The following ARB2A variants were observed in gnomAD, a reference collection of about 807,000 sequenced individuals.
The protein encoded by ARB2A is cotranscriptional regulator ARB2A.
the ARB2A span, among the ~76,000 whole-genome samples, chr5:94,032,787 T>C: frequency 4.6e-5 from 7 of 152,200 alleles, no homozygotes; most frequent in African/African-American, 1.7e-4. Context: ...ATTTAATACC[T>C]GTCCTGTAGG....
the ARB2A span, among the ~76,000 whole-genome samples, chr5:93,828,632 A>C: frequency 2.0e-5 from 3 of 152,192 alleles, no homozygotes. Context: ...AGTGACCTGT[A>C]GGATTGACCA....
chr5:93,750,159 A>G, the ARB2A span, among the ~76,000 whole-genome samples: 5 of 152,194 alleles, frequency 3.3e-5, no homozygotes, highest in Admixed American at 3.3e-4. Flanking sequence ...TCTTGCCTCA[A>G]GAGAATCAAG....
At chr5:94,084,586 T>C in the ARB2A span, among the ~76,000 whole-genome samples, 1 of 152,168 alleles carries the variant, frequency 6.6e-6, no homozygotes, top group Non-Finnish European at 1.5e-5. Context: ...CAAGAACTGA[T>C]AAGACACTCC....
the ARB2A span, among the ~76,000 whole-genome samples, chr5:94,097,883 C>T: frequency 2.0e-5 from 3 of 149,710 alleles, no homozygotes; most frequent in South Asian, 2.1e-4. Flanking sequence ...CACACACACA[C>T]GAACACAGAT....
the ARB2A span, among the ~76,000 whole-genome samples, chr5:93,847,169 T>G: frequency 2.0e-5 from 3 of 152,198 alleles, no homozygotes; most frequent in South Asian, 2.1e-4. Flanking sequence ...AGTTTGATCA[T>G]GAGATTGCAG....
the ARB2A span, among the ~76,000 whole-genome samples, chr5:93,744,285 A>G: frequency 6.6e-6 from 1 of 151,512 alleles, no homozygotes; most frequent in African/African-American, 2.4e-5. Context: ...AAATACAAAA[A>G]TCAGCCAGGC....
chr5:94,069,671 T>G, the ARB2A span, among the ~76,000 whole-genome samples: 3 of 152,070 alleles, frequency 2.0e-5, no homozygotes, highest in Non-Finnish European at 4.4e-5. Context: ...AAATGGCCAA[T>G]AGGTATGTTA....
chr5:94,084,352 G>A, the ARB2A span, among the ~76,000 whole-genome samples: 6 of 150,326 alleles, frequency 4.0e-5, 1 homozygote, highest in African/African-American at 1.5e-4. Flanking sequence ...AACAAAAGAT[G>A]TTATACCTAT....
chr5:93,999,832 C>G, the ARB2A span, among the ~76,000 whole-genome samples: 3 of 151,994 alleles, frequency 2.0e-5, no homozygotes, highest in East Asian at 5.8e-4. Context: ...CTATTCATCC[C>G]TCTTTGCCTC....
At chr5:93,772,516 A>G in the ARB2A span, among the ~76,000 whole-genome samples, 1 of 152,228 alleles carries the variant, frequency 6.6e-6, no homozygotes, top group African/African-American at 2.4e-5. Flanking sequence ...TTAATTATCT[A>G]CTGCTGTGGA....
the ARB2A span, among the ~76,000 whole-genome samples, chr5:93,856,534 A>G: frequency 6.6e-6 from 1 of 151,894 alleles, no homozygotes; most frequent in Non-Finnish European, 1.5e-5. Context: ...CATTCATTTC[A>G]TCTTCCATCA....
chr5:94,046,379 A>G, the ARB2A span, among the ~76,000 whole-genome samples: 1 of 151,968 alleles, frequency 6.6e-6, no homozygotes, highest in Non-Finnish European at 1.5e-5. Context: ...TCAAGAGTTG[A>G]CAGTAGATTT....
chr5:93,959,508 T>C, the ARB2A span, among the ~76,000 whole-genome samples: 1 of 152,052 alleles, frequency 6.6e-6, no homozygotes, highest in Non-Finnish European at 1.5e-5. Flanking sequence ...GATAGACGTA[T>C]TGGAAAATCA....
chr5:94,082,545 G>T, the ARB2A span, among the ~76,000 whole-genome samples: 17 of 152,188 alleles, frequency 1.1e-4, no homozygotes, highest in African/African-American at 4.1e-4. Flanking sequence ...GATCATAATT[G>T]TACTGCAAAC....
the ARB2A span, among the ~76,000 whole-genome samples, chr5:94,101,252 A>G: frequency 6.6e-6 from 1 of 152,232 alleles, no homozygotes; most frequent in African/African-American, 2.4e-5. Context: ...CCACAATGAG[A>G]TACCATCTCA....
At chr5:93,855,994 GCTT>G in the ARB2A span, among the ~76,000 whole-genome samples, 1 of 151,946 alleles carries the variant, frequency 6.6e-6, no homozygotes, top group African/African-American at 2.4e-5. Flanking sequence ...AGAGAAGAAG[GCTT>G]CAGATGATCA....
At chr5:93,991,135 C>G in the ARB2A span, among the ~76,000 whole-genome samples, 8 of 152,088 alleles carry the variant, frequency 5.3e-5, no homozygotes, top group Non-Finnish European at 8.8e-5. Flanking sequence ...CAAAGCTTAA[C>G]AATTCCCAGA....
At chr5:93,624,083 T>TA in the ARB2A span, among the ~76,000 whole-genome samples, 1 of 152,272 alleles carries the variant, frequency 6.6e-6, no homozygotes, top group Non-Finnish European at 1.5e-5. Context: ...TTCTAGTACT[T>TA]AAAAAATACA....
chr5:93,682,974 T>G, the ARB2A span: 2 of 1,583,624 alleles, frequency 1.3e-6, no homozygotes, highest in Non-Finnish European at 1.7e-6. Context: ...GCTTGCATTT[T>G]TGCTTTAATG....
Sources: allele counts gnomAD v4.1 joint callset (sites outside exome capture counted in the v4.1 genomes callset), GRCh38; gene constraint gnomAD v4.1.1; transcripts MANE v1.5; gene names NCBI Gene and HGNC (gene_info 2026-07-23, HGNC 2026-07-21).